Variants in SETD3 observed in about 807,000 individuals in gnomAD.
The protein encoded by SETD3 is SET domain containing 3, actin N3(tau)-histidine methyltransferase.
Under a neutral mutation model 63.0 loss-of-function variants are expected in SETD3, and 19 were observed. The observed-to-expected ratio is 0.30, with a 90% confidence interval of 0.21 to 0.44. SETD3 has a LOEUF of 0.44. SETD3 is among the 20% of genes least tolerant of loss of function. The probability of loss-of-function intolerance (pLI) is 1.00; values close to 1 mark genes in which losing one functional copy is unlikely to be tolerated. For synonymous variants in SETD3, 286 were observed against 264.1 expected, an observed-to-expected ratio of 1.08 and a Z score of -0.80; for missense variants, 587 against 728.5, an observed-to-expected ratio of 0.81 and a Z score of 2.24.
At chr14:99,414,791 T>C (rs1892201778) in intron 6 of SETD3, among the ~76,000 whole-genome samples, 1 of 110,844 alleles carries the variant, frequency 9.0e-6, no homozygotes, top group African/African-American at 3.4e-5. Flanking sequence ...TCTGATAGAT[T>C]GTAGTAAGTG....
At chr14:99,402,890 A>C (rs1199363958) in intron 11 of SETD3, among the ~76,000 whole-genome samples, 2 of 152,178 alleles carry the variant, frequency 1.3e-5, no homozygotes, top group Non-Finnish European at 2.9e-5. Flanking sequence ...GAATATCATC[A>C]CCATCACCTC....
chr14:99,455,355 A>T (rs1044402435), intron 6 of SETD3, among the ~76,000 whole-genome samples: 3 of 152,222 alleles, frequency 2.0e-5, no homozygotes, highest in Non-Finnish European at 4.4e-5. Flanking sequence ...CCTTACTCCA[A>T]ATCTGCATGA....
chr14:99,402,825 A>G (rs1351628109), intron 11 of SETD3, among the ~76,000 whole-genome samples: 1 of 152,250 alleles, frequency 6.6e-6, no homozygotes, highest in Non-Finnish European at 1.5e-5. Context: ...AAAACTGAGC[A>G]TGTACCAAAT....
At chr14:99,455,290 C>T (rs934793882) in intron 6 of SETD3, among the ~76,000 whole-genome samples, 2 of 151,492 alleles carry the variant, frequency 1.3e-5, no homozygotes, top group African/African-American at 4.9e-5. Context: ...ACTGACCCCA[C>T]CCCATCATGC....
At chr14:99,435,810 A>G (rs1438785250) in intron 6 of SETD3, among the ~76,000 whole-genome samples, 2 of 149,408 alleles carry the variant, frequency 1.3e-5, no homozygotes, top group African/African-American at 5.0e-5. Context: ...GGCTATGGTC[A>G]CAAAGTGAAT....
Position 99,400,247 on chromosome 14 carries a change from T to G in SETD3, c.1190A>C (p.Glu397Ala). The change falls in exon 12 of 13, where the codon GAA (glutamate) becomes GCA (alanine). Residue 397 changes from glutamate (E) to alanine (A), a missense_variant. Glu to Ala is a moderately radical substitution (Grantham distance 107). Coordinates refer to ENST00000331768, the MANE Select transcript of SETD3 (RefSeq NM_032233.3). ...AATAGCGCTGTCTCCCAGCAAGTGT[T>G]CTTTCAGTTCTTCTACAAGAAATAC... ...VFCMTEEELK[E>A]HLLGDSAIDR... 1 of 1,610,450 alleles carries G rather than the reference T, an allele frequency of 6.2e-7. No individual in the cohort carries two copies. Among genetic ancestry groups the G allele is most frequent in the Non-Finnish European group, 8.5e-7 (1 of 1,178,904 alleles).
In SETD3 at chr14:99,474,636, G is replaced by A. The variant is rs139900545; in HGVS notation, c.-9+6092C>T. Among the ~76,000 whole-genome samples, 663 of 152,198 alleles carry A rather than the reference G, an allele frequency of 4.4e-3. 15 individuals are homozygous for A. Among genetic ancestry groups the A allele is most frequent in the East Asian group, 0.034 (175 of 5,152 alleles). The stretch of plus-strand genomic sequence containing the variant: ...TCCCAGCATTTTGGGAGGCCGAGGC[G>A]GACGGATCGCCTGAGGTCAGGAGTT... On this transcript the variant is annotated intron_variant, in intron 1 of 12. Transcript: ENST00000331768.
chr14:99,409,992 C>T (rs1293941622), intron 8 of SETD3: 2 of 442,620 alleles, frequency 4.5e-6, no homozygotes, highest in Non-Finnish European at 8.1e-6. Flanking sequence ...GGGGGGTGAA[C>T]CAACAATAAT....
intron 6 of SETD3, among the ~76,000 whole-genome samples, chr14:99,453,623 G>A (rs1428982547): frequency 2.6e-5 from 4 of 152,066 alleles, no homozygotes; most frequent in East Asian, 3.9e-4. Context: ...TCAGGAGTTC[G>A]AGACTAGCCT....
chr14:99,448,338 C>CA (rs1566717944), intron 6 of SETD3, among the ~76,000 whole-genome samples: 1 of 152,194 alleles, frequency 6.6e-6, no homozygotes, highest in African/African-American at 2.4e-5. Flanking sequence ...GCAGAAGCGT[C>CA]ATCTGCAGCT....
chr14:99,484,579 A>G (rs1896436797), upstream of SETD3, among the ~76,000 whole-genome samples: 1 of 152,260 alleles, frequency 6.6e-6, no homozygotes, highest in Non-Finnish European at 1.5e-5. Flanking sequence ...GTAGAAGTTA[A>G]AGAGTCGCTA....
rs764328349 is a variant in SETD3, at chr14:99,398,998, T to C, written c.1466A>G (p.Tyr489Cys). Residue 489 changes from tyrosine to cysteine, a missense_variant, in exon 13 of 13, where the codon TAT becomes TGT. Transcript: ENST00000331768. ...VKSAAVNREY[Y>C]RQQMEEKAPL... The stretch of plus-strand genomic sequence containing the variant: ...AGCCTTTTCCTCCATCTGTTGGCGA[T>C]AGTATTCCCGGTTGACAGCTGCACT... 26 of 1,614,230 alleles carry C rather than the reference T, an allele frequency of 1.6e-5. No individual in the cohort carries two copies. In the East Asian group the frequency reaches 2.5e-4, roughly 15 times the overall value.
intron 6 of SETD3, among the ~76,000 whole-genome samples, chr14:99,422,912 G>C (rs1892665801): frequency 6.6e-6 from 1 of 152,208 alleles, no homozygotes; most frequent in South Asian, 2.1e-4. Flanking sequence ...AAGGCGCCTG[G>C]GGACAGAGGG....
chr14:99,485,931 C>T, the SETD3 span, among the ~76,000 whole-genome samples: 1 of 152,202 alleles, frequency 6.6e-6, no homozygotes, highest in Non-Finnish European at 1.5e-5. Context: ...AGTTTCTACA[C>T]CTTCTGCCCT....
intron 8 of SETD3, chr14:99,411,855 A>G (rs1240041167): frequency 6.6e-6 from 1 of 152,230 alleles, no homozygotes; most frequent in East Asian, 1.9e-4. Flanking sequence ...TGTAATTATA[A>G]AAATGGAACT....
chr14:99,478,121 T>C (rs1041414928), intron 1 of SETD3, among the ~76,000 whole-genome samples: 7 of 151,756 alleles, frequency 4.6e-5, no homozygotes, highest in African/African-American at 1.5e-4. Context: ...TTTTCACTGA[T>C]AAAAAAAGGG....
rs1237794477 is a variant in SETD3 at position 99,461,244 on chromosome 14, A to G, written c.293T>C (p.Met98Thr). 6.2e-7 allele frequency: 1 copy of G among 1,614,032 alleles called. No individual in the cohort carries two copies. The highest frequency in any genetic ancestry group is 1.3e-5 in the African/African-American group (1 of 74,898). Reference protein sequence around the residue: ...ENGASVEGFEMVNFKEEGFGL... With the variant: ...ENGASVEGFETVNFKEEGFGL... ...AAAGCCCTCTTCTTTGAAGTTAACCATTTCAAAACCCTCGACAGAAGCCCC... is the reference window on the plus strand; with the variant it reads ...AAAGCCCTCTTCTTTGAAGTTAACCGTTTCAAAACCCTCGACAGAAGCCCC... The change falls in exon 4 of 13, where the codon ATG (methionine) becomes ACG (threonine). Residue 98 changes from methionine (M) to threonine (T), a missense_variant. Physicochemically the swap from Met to Thr is moderately conservative, Grantham distance 81 (BLOSUM62 -1). Coordinates refer to ENST00000331768, the MANE Select transcript of SETD3 (RefSeq NM_032233.3).
chr14:99,416,733 G>A (rs780299107), intron 6 of SETD3, among the ~76,000 whole-genome samples: 6 of 152,092 alleles, frequency 3.9e-5, no homozygotes, highest in South Asian at 2.1e-4. Context: ...AAATACAGGC[G>A]GAGAAACTAG....
At chr14:99,459,207 G>A (rs766018726) in intron 4 of SETD3, 22 bp from the exon 5 acceptor site, 2 of 1,558,438 alleles carry the variant, frequency 1.3e-6, no homozygotes, top group African/African-American at 1.4e-5. Flanking sequence ...AATAATAATA[G>A]GAGAATCATC....
Sources: allele counts gnomAD v4.1 joint callset (sites outside exome capture counted in the v4.1 genomes callset), GRCh38; gene constraint gnomAD v4.1.1; transcripts MANE v1.5; gene names NCBI Gene and HGNC (gene_info 2026-07-23, HGNC 2026-07-21).